Variants in FAM124A observed in about 807,000 individuals in gnomAD.
FAM124A encodes protein FAM124A.
In FAM124A, 23 loss-of-function variants were observed where a neutral mutation model predicts 24.5. That is an observed-to-expected ratio of 0.94 (90% CI 0.68 to 1.33). The LOEUF is 1.33. Among genes scored for constraint, FAM124A ranks in the 40% most tolerant of loss-of-function variants. FAM124A has a pLI of 0.00. For missense variants in FAM124A, 623 were observed against 722.8 expected (o/e 0.86, Z 1.58); for synonymous variants, 287 against 314.7 (o/e 0.91, Z 0.93).
rs57781699 is a variant in FAM124A at position 51,244,950 on chromosome 13, A to G, written c.101-6518A>G. On this transcript the variant is annotated intron_variant, in intron 2 of 3. Transcript: ENST00000322475. ...GCAGAAAAACCAACGCGATGATTCCAAGTGAAGTGGCATCGTTCATCTGGG... is the reference window on the plus strand; with the variant it reads ...GCAGAAAAACCAACGCGATGATTCCGAGTGAAGTGGCATCGTTCATCTGGG... Among the ~76,000 whole-genome samples the G allele has an allele frequency of 7.8e-3, 1,195 of 152,354 alleles. 15 individuals are homozygous for G. Among genetic ancestry groups the G allele is most frequent in the African/African-American group, 0.027 (1,123 of 41,582 alleles).
At chr13:51,269,257 A>T (rs1477981025) in intron 3 of FAM124A, among the ~76,000 whole-genome samples, 1 of 152,256 alleles carries the variant, frequency 6.6e-6, no homozygotes, top group Non-Finnish European at 1.5e-5. Flanking sequence ...GAATAGAAAT[A>T]ATACAGTAAA....
intron 3 of FAM124A, among the ~76,000 whole-genome samples, chr13:51,277,504 G>A (rs936951154): frequency 3.9e-5 from 6 of 152,192 alleles, no homozygotes; most frequent in Non-Finnish European, 8.8e-5. Context: ...AAATTAAAGA[G>A]AAAGAATTGG....
At chr13:51,229,794 TTC>T (rs1954355340) in intron 1 of FAM124A, among the ~76,000 whole-genome samples, 1 of 152,224 alleles carries the variant, frequency 6.6e-6, no homozygotes, top group Non-Finnish European at 1.5e-5. Flanking sequence ...CCAAGTATTG[TTC>T]TAAAGTTTAT....
At chr13:51,265,312 C>CTTTT (rs1463320244) in intron 3 of FAM124A, among the ~76,000 whole-genome samples, 12 of 152,150 alleles carry the variant, frequency 7.9e-5, no homozygotes, top group African/African-American at 2.9e-4. Flanking sequence ...TGAGGAGGAG[C>CTTTT]TGGTACCCTT....
At chr13:51,275,033 T>A (rs1350011666) in intron 3 of FAM124A, among the ~76,000 whole-genome samples, 1 of 152,158 alleles carries the variant, frequency 6.6e-6, no homozygotes, top group Non-Finnish European at 1.5e-5. Flanking sequence ...TACTCAGGAA[T>A]CCTGGTTCAC....
chr13:51,275,012 G>A (rs543842767), intron 3 of FAM124A, among the ~76,000 whole-genome samples: 7 of 152,272 alleles, frequency 4.6e-5, no homozygotes, highest in African/African-American at 1.7e-4. Flanking sequence ...CCTCCCTGTG[G>A]TCATCCACAG....
intron 3 of FAM124A, among the ~76,000 whole-genome samples, chr13:51,265,064 A>G (rs1236239025): frequency 6.6e-6 from 1 of 152,192 alleles, no homozygotes; most frequent in Non-Finnish European, 1.5e-5. Flanking sequence ...TAATACAAGT[A>G]AGCATCTCAC....
intron 3 of FAM124A, among the ~76,000 whole-genome samples, chr13:51,271,611 T>C (rs1184742966): frequency 6.6e-6 from 1 of 152,164 alleles, no homozygotes; most frequent in African/African-American, 2.4e-5. Flanking sequence ...ATGGTTTTTT[T>C]TTAAAGCTTC....
intron 3 of FAM124A, among the ~76,000 whole-genome samples, chr13:51,275,622 T>A (rs529648177): frequency 3.0e-4 from 46 of 152,318 alleles, no homozygotes; most frequent in African/African-American, 9.4e-4. Flanking sequence ...AAACATCTCA[T>A]AAGATGCTCA....
Position 51,246,411 on chromosome 13 carries a change from G to T in FAM124A, c.101-5057G>T, listed in dbSNP as rs969683885. 6.5e-5 allele frequency among the ~76,000 whole-genome samples: 9 copies of T among 139,372 alleles called. 1 individual carries two copies. The highest frequency in any genetic ancestry group is 2.2e-4 in the East Asian group (1 of 4,492). The allele number at this position is 139,372 out of a possible 152,430, so 91.4% of individuals were successfully genotyped here. A position where few individuals can be genotyped will look rare whatever the true frequency, so the allele number is the denominator to read the frequency against. ...GGCATGTTTCTCGTGGGGTGGGGGGGGGTGTAACTCTAACACCTGATGACA... is the reference window on the plus strand; with the variant it reads ...GGCATGTTTCTCGTGGGGTGGGGGGTGGTGTAACTCTAACACCTGATGACA... On this transcript the variant is annotated intron_variant, in intron 2 of 3. Transcript: ENST00000322475.
At chr13:51,232,672 C>T (rs1259142899) in intron 2 of FAM124A, among the ~76,000 whole-genome samples, 1 of 152,212 alleles carries the variant, frequency 6.6e-6, no homozygotes, top group East Asian at 1.9e-4. Flanking sequence ...GAGATTTGCA[C>T]TCATTCCCCA....
chr13:51,274,327 A>G (rs1304907893), intron 3 of FAM124A, among the ~76,000 whole-genome samples: 1 of 152,170 alleles, frequency 6.6e-6, no homozygotes, highest in African/African-American at 2.4e-5. Flanking sequence ...ATTTTGGAAT[A>G]TTTGCATTAT....
At chr13:51,240,596 G>C (rs566208480) in intron 2 of FAM124A, among the ~76,000 whole-genome samples, 1 of 152,138 alleles carries the variant, frequency 6.6e-6, no homozygotes, top group Non-Finnish European at 1.5e-5. Context: ...GGAAGTTAGA[G>C]GTCTCTCTAT....
intron 2 of FAM124A, among the ~76,000 whole-genome samples, chr13:51,247,343 G>C (rs551741076): frequency 4.5e-4 from 69 of 152,302 alleles, no homozygotes; most frequent in Non-Finnish European, 8.5e-4. Flanking sequence ...CTCATACTCT[G>C]TGTGACCTTG....
chr13:51,251,154 G>A lies in FAM124A; in HGVS notation c.101-314G>A, dbSNP rs937525358. ...AGTCACTAGACTTGACTTTCTATTT[G>A]TCTGATACGTAAATATAAAGTCAAA... On this transcript the variant is annotated intron_variant, in intron 2 of 3. Coordinates refer to ENST00000322475, the MANE Select transcript of FAM124A (RefSeq NM_001242312.2). This position sits in a 1 kb window ranked among gnomAD's most constrained non-coding sequence, Gnocchi z 5.3. 1.3e-5 allele frequency among the ~76,000 whole-genome samples: 2 copies of A among 152,158 alleles called. No homozygotes were observed. Among genetic ancestry groups the A allele is most frequent in the Non-Finnish European group, 2.9e-5 (2 of 68,026 alleles).
At chr13:51,242,914 G>C (rs193267915) in intron 2 of FAM124A, among the ~76,000 whole-genome samples, 2 of 152,164 alleles carry the variant, frequency 1.3e-5, no homozygotes, top group Non-Finnish European at 2.9e-5. Flanking sequence ...TTATAAAAGC[G>C]TGAGAGGGCC....
At chr13:51,241,402 G>A (rs1352122822) in intron 2 of FAM124A, among the ~76,000 whole-genome samples, 2 of 152,232 alleles carry the variant, frequency 1.3e-5, no homozygotes, top group Non-Finnish European at 2.9e-5. Context: ...CAAAGGCAAG[G>A]ACAAGCTATG....
intron 3 of FAM124A, among the ~76,000 whole-genome samples, chr13:51,276,562 A>T (rs548318890): frequency 6.6e-6 from 1 of 152,312 alleles, no homozygotes; most frequent in South Asian, 2.1e-4. Flanking sequence ...TCTTAGGGTG[A>T]ACTTTGCCCT....
intron 3 of FAM124A, among the ~76,000 whole-genome samples, chr13:51,273,277 C>G (rs1954855587): frequency 1.3e-5 from 2 of 152,100 alleles, no homozygotes; most frequent in Admixed American, 1.3e-4. Context: ...CTATTGGTAT[C>G]TAGTGGATAG....
Sources: gnomAD v4.1 joint callset for allele counts (sites outside exome capture counted in the v4.1 genomes callset) on GRCh38, gnomAD v4.1.1 for gene constraint, Gnocchi (gnomAD v3.1) non-coding constraint, MANE v1.5 for transcripts, NCBI Gene and HGNC (gene_info 2026-07-23, HGNC 2026-07-21) for gene names.